CNTLN: variants seen among roughly 807,000 people sequenced by gnomAD.
The protein encoded by CNTLN is centlein, centrosomal protein.
Under a neutral mutation model 180.0 loss-of-function variants are expected in CNTLN, and 212 were observed. The ratio of observed to expected loss-of-function variants is 1.18; its 90% CI spans 1.05 to 1.32. CNTLN has a LOEUF of 1.32. Among genes scored for constraint, CNTLN ranks in the 40% most tolerant of loss-of-function variants. CNTLN has a pLI of 0.00. For synonymous variants in CNTLN, 722 were observed against 563.1 expected (o/e 1.28, Z -3.99); for missense variants, 2,095 against 1,610.9 (o/e 1.30, Z -5.14).
intron 8 of CNTLN, among the ~76,000 whole-genome samples, chr9:17,314,760 T>A (rs1393675778): frequency 6.6e-6 from 1 of 152,330 alleles, no homozygotes; most frequent in East Asian, 1.9e-4. Flanking sequence ...CTACATTTGA[T>A]CATTCTCTGT....
chr9:17,518,108 T>G, the CNTLN span, among the ~76,000 whole-genome samples: 1 of 133,726 alleles, frequency 7.5e-6, no homozygotes, highest in South Asian at 2.6e-4. Flanking sequence ...AGTGGCATGA[T>G]CTGATCTCGG....
chr9:17,283,169 T>C (rs1246772920), intron 6 of CNTLN, among the ~76,000 whole-genome samples: 2 of 152,206 alleles, frequency 1.3e-5, no homozygotes, highest in Non-Finnish European at 2.9e-5. Flanking sequence ...ATCTATAAAT[T>C]ACTTTGGGCA....
At chr9:17,482,753 A>G (rs1017600113) in intron 23 of CNTLN, among the ~76,000 whole-genome samples, 31 of 152,196 alleles carry the variant, frequency 2.0e-4, no homozygotes, top group African/African-American at 6.5e-4. Flanking sequence ...TAACTAATAA[A>G]AAGAGATGGA....
At chr9:17,266,276 T>A (rs961408982) in intron 5 of CNTLN, among the ~76,000 whole-genome samples, 2 of 152,234 alleles carry the variant, frequency 1.3e-5, no homozygotes, top group African/African-American at 4.8e-5. Context: ...TCTTTATTTC[T>A]GCCTTCATTT....
intron 12 of CNTLN, among the ~76,000 whole-genome samples, chr9:17,361,008 T>C (rs769869402): frequency 2.0e-5 from 3 of 152,218 alleles, no homozygotes; most frequent in Non-Finnish European, 2.9e-5. Flanking sequence ...CATCAATTAC[T>C]GGGAGAGGTG....
At chr9:17,244,434 T>A (rs981829979) in intron 5 of CNTLN, among the ~76,000 whole-genome samples, 6 of 152,260 alleles carry the variant, frequency 3.9e-5, no homozygotes, top group Middle Eastern at 3.4e-3. Flanking sequence ...CCCAGACTAG[T>A]CTCAAACTCC....
chr9:17,317,348 T>C (rs966169830), intron 8 of CNTLN, among the ~76,000 whole-genome samples: 3 of 152,204 alleles, frequency 2.0e-5, no homozygotes, highest in African/African-American at 7.2e-5. Context: ...TTTGAAAGTA[T>C]ATTTTTCTGT....
chr9:17,392,448 G>C (rs1030182311), intron 14 of CNTLN, among the ~76,000 whole-genome samples: 3 of 152,140 alleles, frequency 2.0e-5, no homozygotes, highest in African/African-American at 7.2e-5. Flanking sequence ...TTTGGAAAAA[G>C]TAAAAAGGAT....
chr9:17,520,967 G>A, the CNTLN span, among the ~76,000 whole-genome samples: 2 of 152,100 alleles, frequency 1.3e-5, no homozygotes, highest in Non-Finnish European at 2.9e-5. Flanking sequence ...CGTAATTCAG[G>A]TCTGAAGCAT....
chr9:17,224,090 C>T (rs931315334), intron 2 of CNTLN, among the ~76,000 whole-genome samples: 1 of 151,950 alleles, frequency 6.6e-6, no homozygotes, highest in Non-Finnish European at 1.5e-5. Context: ...TATAAAATAA[C>T]AACAACCTTC....
intron 12 of CNTLN, among the ~76,000 whole-genome samples, chr9:17,356,306 G>T (rs558835935): frequency 6.6e-6 from 1 of 152,214 alleles, no homozygotes; most frequent in East Asian, 1.9e-4. Flanking sequence ...CATACACTAA[G>T]ATTGTAGCTC....
chr9:17,433,313 C>A (rs1359740771), intron 18 of CNTLN, among the ~76,000 whole-genome samples: 3 of 148,992 alleles, frequency 2.0e-5, no homozygotes, highest in African/African-American at 7.4e-5. Context: ...GAAATGGAGT[C>A]TCGTTCTGTC....
chr9:17,270,112 T>C (rs1306701668), intron 5 of CNTLN, among the ~76,000 whole-genome samples: 1 of 152,076 alleles, frequency 6.6e-6, no homozygotes, highest in Non-Finnish European at 1.5e-5. Context: ...CTGTTAATAT[T>C]TATATATTTA....
At chr9:17,246,305 A>C (rs1167868581) in intron 5 of CNTLN, among the ~76,000 whole-genome samples, 1 of 152,182 alleles carries the variant, frequency 6.6e-6, no homozygotes, top group African/African-American at 2.4e-5. Context: ...GACTCATAGA[A>C]ATACTGCCTT....
intron 18 of CNTLN, among the ~76,000 whole-genome samples, chr9:17,436,841 A>T (rs1209862364): frequency 3.3e-5 from 5 of 152,234 alleles, no homozygotes; most frequent in African/African-American, 4.8e-5. Context: ...GTAATAATGA[A>T]GTAGAAAACT....
chr9:17,180,964 ATCT>A (rs765917552), intron 2 of CNTLN, among the ~76,000 whole-genome samples: 20 of 152,134 alleles, frequency 1.3e-4, no homozygotes, highest in South Asian at 4.1e-4. Context: ...CTGTGTCACT[ATCT>A]TCAAGATTTT....
chr9:17,409,415 A>G lies in CNTLN; in HGVS notation c.2738A>G (p.Gln913Arg). ...QKESDPTEDS[Q>R]TQGKEIVQTY... ...GAAAGTGATCCAACAGAAGACAGCCAAACACAAGGAAAAGAAATAGTACAG... is the reference window on the plus strand; with the variant it reads ...GAAAGTGATCCAACAGAAGACAGCCGAACACAAGGAAAAGAAATAGTACAG... Residue 913 changes from glutamine to arginine, a missense_variant, in exon 16 of 26, where the codon CAA (glutamine) becomes CGA (arginine). Transcript: ENST00000380647. 1 of 1,613,326 alleles carries G rather than the reference A, an allele frequency of 6.2e-7. No homozygotes were observed. Among genetic ancestry groups the G allele is most frequent in the Admixed American group, 1.7e-5 (1 of 59,910 alleles).
chr9:17,263,258 G>A (rs1218378523), intron 5 of CNTLN, among the ~76,000 whole-genome samples: 1 of 131,314 alleles, frequency 7.6e-6, no homozygotes, highest in Non-Finnish European at 1.5e-5. Context: ...TGATCTCATT[G>A]TTCAATTCCC....
chr9:17,494,979 T>A (rs1002865696), intron 25 of CNTLN: 1 of 444,876 alleles, frequency 2.2e-6, no homozygotes, highest in Non-Finnish European at 4.5e-6. Flanking sequence ...CCTGCCAGAC[T>A]CGAGCAGTTC....
Sources: allele counts gnomAD v4.1 joint callset (sites outside exome capture counted in the v4.1 genomes callset), GRCh38; gene constraint gnomAD v4.1.1; transcripts MANE v1.5; gene names NCBI Gene and HGNC (gene_info 2026-07-23, HGNC 2026-07-21).